The following NEMP2 variants were observed in gnomAD, a reference collection of about 807,000 sequenced individuals.
NEMP2 encodes nuclear envelope integral membrane protein 2.
NEMP2 carries 53 observed loss-of-function variants against 54.2 expected under a neutral mutation model. The ratio of observed to expected loss-of-function variants is 0.98; its 90% CI spans 0.78 to 1.23. The LOEUF (loss-of-function observed/expected upper bound fraction) is 1.23. NEMP2 is among the 50% of genes most tolerant of loss of function. The probability of loss-of-function intolerance (pLI) is 0.00; values close to 1 mark genes in which losing one functional copy is unlikely to be tolerated. For synonymous variants in NEMP2, 197 were observed against 190.3 expected, an observed-to-expected ratio of 1.04 and a Z score of -0.29; for missense variants, 455 against 511.3, an observed-to-expected ratio of 0.89 and a Z score of 1.06.
chr2:190,580,300 G>T, the NEMP2 span, among the ~76,000 whole-genome samples: 4 of 152,182 alleles, frequency 2.6e-5, no homozygotes, highest in African/African-American at 9.7e-5. This position sits in a 1 kb window ranked among gnomAD's most constrained non-coding sequence, Gnocchi z 5.3. Context: ...GAGAAGCCTT[G>T]TGATGCCATC....
At chr2:190,436,351 GGTATTC>G in the NEMP2 span, 2 of 1,614,214 alleles carry the variant, frequency 1.2e-6, no homozygotes, top group Non-Finnish European at 1.7e-6. This position sits in a 1 kb window ranked among gnomAD's most constrained non-coding sequence, Gnocchi z 5.3. Flanking sequence ...ACTACTAGTA[GGTATTC>G]GTTACTTCAT....
In NEMP2 at chr2:190,514,320, C is replaced by A. The variant is rs1489580589; in HGVS notation, c.953+133G>T. ...TTGGAGCTCTCTACCCCTACACCCC[C>A]AATCTTGCTCAGAATGAAATCTCCA... On this transcript the variant is annotated intron_variant, in intron 7 of 8. Coordinates refer to ENST00000409150, the MANE Select transcript of NEMP2 (RefSeq NM_001142645.2). The surrounding 1 kb of genome is among the most constrained non-coding windows in gnomAD (Gnocchi z 5.7). The A allele has an allele frequency of 6.8e-6, 6 of 881,830 alleles. No individual in the cohort carries two copies. The highest frequency in any genetic ancestry group is 8.8e-6 in the Non-Finnish European group (5 of 565,530). 54.6% of individuals were successfully genotyped at this position (881,830 alleles called of 1,614,324 possible).
chr2:190,494,921 T>G, the NEMP2 span, among the ~76,000 whole-genome samples: 1 of 152,134 alleles, frequency 6.6e-6, no homozygotes, highest in South Asian at 2.1e-4. This position sits in a 1 kb window ranked among gnomAD's most constrained non-coding sequence, Gnocchi z 5.7. Flanking sequence ...TTGGAAGCAT[T>G]CCCTCTGAAA....
At chr2:190,542,263 G>A in the NEMP2 span, among the ~76,000 whole-genome samples, 1 of 152,192 alleles carries the variant, frequency 6.6e-6, no homozygotes, top group African/African-American at 2.4e-5. This position sits in a 1 kb window ranked among gnomAD's most constrained non-coding sequence, Gnocchi z 4.6. Flanking sequence ...CCAGGCTTGA[G>A]TGCAGTGGTG....
At position 190,517,551 on chromosome 2, in the gene NEMP2, A is replaced by G. The variant is rs1299797384; in HGVS notation, c.581T>C (p.Val194Ala). 2 of 1,550,404 alleles carry G rather than the reference A, an allele frequency of 1.3e-6. No individual in the cohort carries two copies. The highest frequency in any genetic ancestry group is 2.7e-5 in the African/African-American group (2 of 72,964). The change falls in exon 5 of 9, where the codon GTC (valine) becomes GCC (alanine). Residue 194 changes from valine to alanine, a missense_variant. Physicochemically the swap from Val to Ala is moderately conservative, Grantham distance 64. This residue lies in a region of NEMP2 where 294 missense variants were observed against 333.6 expected (regional missense o/e 0.88). Coordinates refer to ENST00000409150, the MANE Select transcript of NEMP2 (RefSeq NM_001142645.2). ...AATGAATCTTTTCACCAACAGCAAG[A>G]CAAAGACTAATGTCATTAGAACACC... ...VLGVLMTLVF[V>A]LLLVKRFIPK...
the NEMP2 span, chr2:190,445,014 C>G: frequency 4.2e-6 from 1 of 236,984 alleles, no homozygotes; most frequent in Non-Finnish European, 6.9e-6. Context: ...CCTGAGGATA[C>G]AAGCCTGAAG....
chr2:190,443,862 C>T, the NEMP2 span, among the ~76,000 whole-genome samples: 1 of 152,098 alleles, frequency 6.6e-6, no homozygotes, highest in Admixed American at 6.5e-5. This position sits in a 1 kb window ranked among gnomAD's most constrained non-coding sequence, Gnocchi z 4.2. Flanking sequence ...CGAGATCAGC[C>T]TGGGCAACAT....
At chr2:190,484,646 T>A in the NEMP2 span, among the ~76,000 whole-genome samples, 97 of 152,314 alleles carry the variant, frequency 6.4e-4, no homozygotes, top group African/African-American at 2.2e-3. Flanking sequence ...TACTAGAAAG[T>A]TGCATGTTCC....
chr2:190,589,504 T>C, the NEMP2 span, among the ~76,000 whole-genome samples: 1 of 152,124 alleles, frequency 6.6e-6, no homozygotes, highest in East Asian at 1.9e-4. This position sits in a 1 kb window ranked among gnomAD's most constrained non-coding sequence, Gnocchi z 4.3. Flanking sequence ...ACCAGTAAGA[T>C]TGGTACCTAT....
At chr2:190,600,220 T>A in the NEMP2 span, among the ~76,000 whole-genome samples, 3 of 152,188 alleles carry the variant, frequency 2.0e-5, no homozygotes, top group African/African-American at 7.2e-5. This position sits in a 1 kb window ranked among gnomAD's most constrained non-coding sequence, Gnocchi z 4.9. Context: ...TTTCTAACTC[T>A]CATTGCTTGA....
At chr2:190,497,838 T>C in the NEMP2 span, 2 of 1,214,214 alleles carry the variant, frequency 1.6e-6, no homozygotes, top group South Asian at 1.5e-5. The surrounding 1 kb of genome is among the most constrained non-coding windows in gnomAD (Gnocchi z 5.2). Flanking sequence ...GTGGGGGAAA[T>C]AGACATGCAA....
At chr2:190,446,832 C>T in the NEMP2 span, among the ~76,000 whole-genome samples, 1 of 152,192 alleles carries the variant, frequency 6.6e-6, no homozygotes, top group Admixed American at 6.5e-5. Flanking sequence ...GCTTAAATGT[C>T]AACCTCCTTC....
At chr2:190,440,405 T>C in the NEMP2 span, among the ~76,000 whole-genome samples, 1 of 152,244 alleles carries the variant, frequency 6.6e-6, no homozygotes, top group African/African-American at 2.4e-5. Flanking sequence ...ATAATAATGC[T>C]AAATATTTCC....
chr2:190,526,284 C>T (rs1209137760), intron 1 of NEMP2, among the ~76,000 whole-genome samples: 2 of 152,094 alleles, frequency 1.3e-5, no homozygotes, highest in Admixed American at 1.3e-4. Context: ...CCCCTCAGTG[C>T]CCTGAATCAG....
the NEMP2 span, among the ~76,000 whole-genome samples, chr2:190,600,700 C>T: frequency 6.6e-6 from 1 of 152,164 alleles, no homozygotes; most frequent in African/African-American, 2.4e-5. The surrounding 1 kb of genome is among the most constrained non-coding windows in gnomAD (Gnocchi z 4.9). Context: ...TGAGTTGAAG[C>T]AGCCTGAGGC....
At position 190,534,681 on chromosome 2, in the gene NEMP2, C is replaced by T; in HGVS notation, c.-26G>A. 9 of 1,254,956 alleles carry T rather than the reference C, an allele frequency of 7.2e-6. No individual in the cohort carries two copies. The highest frequency in any genetic ancestry group is 9.0e-6 in the Non-Finnish European group (9 of 999,160). The allele number at this position is 1,254,956 out of a possible 1,614,324, so 77.7% of individuals were successfully genotyped here. On this transcript the variant is annotated 5_prime_UTR_variant, in exon 1 of 9. Coordinates refer to ENST00000409150, the MANE Select transcript of NEMP2 (RefSeq NM_001142645.2). ...TTCGTTAGGGGTCAGCTCCGTGCGA[C>T]CCGAGCCCTAGGGGACCGGCTCCGC... is the stretch of plus-strand genomic sequence containing the variant.
the NEMP2 span, among the ~76,000 whole-genome samples, chr2:190,429,397 C>T: frequency 6.6e-6 from 1 of 151,458 alleles, no homozygotes; most frequent in Non-Finnish European, 1.5e-5. Context: ...GCAATCTCGG[C>T]TCACTGCAAC....
At chr2:190,558,293 AG>A in the NEMP2 span, among the ~76,000 whole-genome samples, 1 of 152,054 alleles carries the variant, frequency 6.6e-6, no homozygotes, top group African/African-American at 2.4e-5. The surrounding 1 kb of genome is among the most constrained non-coding windows in gnomAD (Gnocchi z 4.4). Context: ...GGACACAGGG[AG>A]GGGAATATCA....
chr2:190,488,612 AG>A, the NEMP2 span: 2 of 1,403,434 alleles, frequency 1.4e-6, no homozygotes, highest in Non-Finnish European at 1.9e-6. This position sits in a 1 kb window ranked among gnomAD's most constrained non-coding sequence, Gnocchi z 6.4. Flanking sequence ...GAGTAGCCTA[AG>A]AAATGCTAAC....
Sources: gnomAD v4.1 joint callset for allele counts (sites outside exome capture counted in the v4.1 genomes callset) on GRCh38, gnomAD v4.1.1 for gene constraint, gnomAD v4.1.1 regional missense constraint, Gnocchi (gnomAD v3.1) non-coding constraint, MANE v1.5 for transcripts, NCBI Gene and HGNC (gene_info 2026-07-23, HGNC 2026-07-21) for gene names.